The following CNNM3 variants were observed in gnomAD, a reference collection of about 807,000 sequenced individuals.
CNNM3 encodes the protein metal transporter CNNM3.
CNNM3 carries 47 observed loss-of-function variants against 57.1 expected under a neutral mutation model. That is an observed-to-expected ratio of 0.82 (90% CI 0.65 to 1.05). The LOEUF (loss-of-function observed/expected upper bound fraction) is 1.05. Among genes scored for constraint, CNNM3 ranks in the 50% least tolerant of loss-of-function variants. The pLI, the probability that CNNM3 is intolerant of heterozygous loss-of-function variation, is 0.00. For synonymous variants in CNNM3, 507 were observed against 478.2 expected (o/e 1.06, Z -0.79); for missense variants, 957 against 973.7 (o/e 0.98, Z 0.23).
chr2:96,832,276 G>A (rs1287116975), intron 7 of CNNM3: 1 of 985,272 alleles, frequency 1.0e-6, no homozygotes, highest in Non-Finnish European at 1.2e-6. Context: ...ACAGGGTGCT[G>A]TATCGTCCCG....
Position 96,817,039 on chromosome 2 carries a change from A to G in CNNM3, c.762A>G (p.Arg254=). The G allele has an allele frequency of 1.5e-6, 2 of 1,370,490 alleles. No individual in the cohort carries two copies. Among genetic ancestry groups the G allele is most frequent in the Non-Finnish European group, 1.9e-6 (2 of 1,059,704 alleles). 84.9% of individuals were successfully genotyped at this position (1,370,490 alleles called of 1,614,324 possible). ...SGRWTLALAP[R]ALGLSRLAVL... ...GCTGGACGCTGGCGCTGGCGCCGCG[A>G]GCGCTCGGCCTCAGCCGCCTGGCCG... Residue 254 remains arginine, a synonymous_variant, in exon 1 of 8, where the codon CGA becomes CGG. Coordinates refer to ENST00000305510, the MANE Select transcript of CNNM3 (RefSeq NM_017623.5).
chr2:96,829,402 G>A (rs918671872), intron 7 of CNNM3: 1 of 224,090 alleles, frequency 4.5e-6, no homozygotes, highest in African/African-American at 2.4e-5. Flanking sequence ...CTGGGTTCAA[G>A]CAGTTCTCCT....
intron 1 of CNNM3, among the ~76,000 whole-genome samples, chr2:96,823,523 G>C (rs556858109): frequency 1.3e-5 from 2 of 152,318 alleles, no homozygotes; most frequent in South Asian, 4.1e-4. Flanking sequence ...GGTTCAGCAG[G>C]GCTGAGTGGC....
intron 5 of CNNM3, 29 bp downstream of exon 5, chr2:96,828,224 G>A (rs776226827): frequency 1.3e-6 from 2 of 1,576,304 alleles, no homozygotes; most frequent in Admixed American, 3.3e-5. Context: ...GATGCTGAGG[G>A]CCAGGGTGGA....
At chr2:96,822,294 C>T (rs940493124) in intron 1 of CNNM3, among the ~76,000 whole-genome samples, 4 of 152,042 alleles carry the variant, frequency 2.6e-5, no homozygotes, top group South Asian at 2.1e-4. Flanking sequence ...TGAGCCACTG[C>T]GCCTGGCCAA....
At position 96,816,333 on chromosome 2, in the gene CNNM3, G is replaced by C. The variant is rs778110675; in HGVS notation, c.56G>C (p.Cys19Ser). ...TTAGGCTGGTTGTTCGCCGCGCTCT[G>C]CCTGGGCAACGCCGCGGGGGAGGCC... ...GRLGWLFAAL[C>S]LGNAAGEAAP... Residue 19 changes from cysteine to serine, a missense_variant, in exon 1 of 8, where the codon TGC becomes TCC. By Grantham distance (112) the Cys-to-Ser change is moderately radical. This residue lies in a region of CNNM3 where 466 missense variants were observed against 403.1 expected (regional missense o/e 1.16). Coordinates refer to ENST00000305510, the MANE Select transcript of CNNM3 (RefSeq NM_017623.5). The C allele has an allele frequency of 1.5e-5, 20 of 1,290,398 alleles. No individual in the cohort carries two copies. The highest frequency in any genetic ancestry group is 9.8e-7 in the Non-Finnish European group (1 of 1,019,398). The allele number at this position is 1,290,398 out of a possible 1,614,324, so 79.9% of individuals were successfully genotyped here. A position where few individuals can be genotyped will look rare whatever the true frequency, so the allele number is the denominator to read the frequency against.
At chr2:96,822,918 T>C (rs543305241) in intron 1 of CNNM3, among the ~76,000 whole-genome samples, 1 of 152,336 alleles carries the variant, frequency 6.6e-6, no homozygotes, top group South Asian at 2.1e-4. Context: ...CAGGGCTTTC[T>C]GCTTGACGTT....
At chr2:96,831,954 CT>C (rs1375025175) in intron 7 of CNNM3, 1 of 983,852 alleles carries the variant, frequency 1.0e-6, no homozygotes, top group African/African-American at 1.7e-5. Flanking sequence ...TTCTTTCTCT[CT>C]CTGCTCTCTT....
intron 1 of CNNM3, among the ~76,000 whole-genome samples, chr2:96,819,866 C>T (rs2079380854): frequency 6.6e-6 from 1 of 152,174 alleles, no homozygotes; most frequent in African/African-American, 2.4e-5. Flanking sequence ...TTCCAAACCG[C>T]CAGTGTCAGG....
Position 96,828,212 on chromosome 2 carries a change from C to T in CNNM3, c.1786+17C>T, listed in dbSNP as rs940335565. On this transcript the variant is annotated intron_variant, in intron 5 of 7. Coordinates refer to ENST00000305510, the MANE Select transcript of CNNM3 (RefSeq NM_017623.5). ...CATCCTCGGGTAAGCCACGGCCCTGCTGATGCTGAGGGCCAGGGTGGAGGC... is the reference window on the plus strand; with the variant it reads ...CATCCTCGGGTAAGCCACGGCCCTGTTGATGCTGAGGGCCAGGGTGGAGGC... The T allele has an allele frequency of 2.5e-6, 4 of 1,595,452 alleles. No individual in the cohort carries two copies. The African/African-American group carries it at 5.4e-5, about 21-fold the overall frequency.
At chr2:96,819,404 G>A (rs1013850808) in intron 1 of CNNM3, among the ~76,000 whole-genome samples, 16 of 152,216 alleles carry the variant, frequency 1.1e-4, no homozygotes, top group Admixed American at 8.5e-4. Context: ...TGATAAGAGT[G>A]GGTAAACAGA....
In CNNM3 at chr2:96,828,580, G is replaced by C. The variant is rs774682167; in HGVS notation, c.1800G>C (p.Pro600=). ...LTVPSSVHQS[P]VSSLQPIRHD... ...TTCCTTTGATAGTTCACCAGTCCCC[G>C]GTGTCCTCGCTCCAGCCCATCCGCC... is the stretch of plus-strand genomic sequence containing the variant. Residue 600 remains proline (P), a synonymous_variant, in exon 6 of 8, where the codon CCG becomes CCC. Coordinates refer to ENST00000305510, the MANE Select transcript of CNNM3 (RefSeq NM_017623.5). 1.2e-6 allele frequency: 2 copies of C among 1,614,010 alleles called. No homozygotes were observed. Among genetic ancestry groups the C allele is most frequent in the Admixed American group, 1.7e-5 (1 of 59,988 alleles).
intron 3 of CNNM3, among the ~76,000 whole-genome samples, chr2:96,827,353 C>T (rs1396159824): frequency 2.6e-5 from 4 of 152,108 alleles, no homozygotes; most frequent in South Asian, 2.1e-4. Flanking sequence ...CTGCAACCTC[C>T]GCCTTCTGGG....
chr2:96,825,699 G>A (rs113404496), intron 2 of CNNM3, among the ~76,000 whole-genome samples: 3 of 137,012 alleles, frequency 2.2e-5, no homozygotes, highest in African/African-American at 1.1e-4. Flanking sequence ...TCGGGAGTTC[G>A]AGACCAGCCT....
Position 96,833,178 on chromosome 2 carries a change from C to T in CNNM3, c.*562C>T, listed in dbSNP as rs2079635200. On this transcript the variant is annotated 3_prime_UTR_variant, in exon 8 of 8. Transcript: ENST00000305510. ...TTTCAGCGCATGCGCCCCAGCCTTT[C>T]CCATGTGCCAAACCAGAAGCTCCAC... 4.6e-6 allele frequency: 2 copies of T among 435,732 alleles called. No individual in the cohort carries two copies. The highest frequency in any genetic ancestry group is 8.3e-6 in the Non-Finnish European group (2 of 240,998). The allele number at this position is 435,732 out of a possible 1,614,324, so 27.0% of individuals were successfully genotyped here.
chr2:96,826,595 A>G (rs2079509167), intron 2 of CNNM3, among the ~76,000 whole-genome samples: 1 of 152,192 alleles, frequency 6.6e-6, no homozygotes, highest in Non-Finnish European at 1.5e-5. Flanking sequence ...TTGTTATCAT[A>G]TCAGCATTCT....
Position 96,825,003 on chromosome 2 carries a change from GA to G in CNNM3, c.1226-53del. The G allele has an allele frequency of 2.5e-6, 4 of 1,606,104 alleles. No homozygotes were observed. In the South Asian group the frequency reaches 4.4e-5, roughly 18 times the overall value. On this transcript the variant is annotated intron_variant, in intron 1 of 7. Transcript: ENST00000305510. ...TTGGTGGGCCTATACCAGGGGAGAT[GA>G]ATCAAACTGGGGGGGGCCCAGCAAG...
rs1559012207 is a variant in CNNM3 at position 96,827,007 on chromosome 2, C to CAT, written c.1519+25_1519+26insAT. 8 of 1,609,322 alleles carry CAT rather than the reference C, an allele frequency of 5.0e-6. No homozygotes were observed. The Admixed American group carries it at 1.3e-4, about 27-fold the overall frequency. ...GGTGAGGCGGGAGGGTGGTCCATGC[C>CAT]CCCTGCTCTCCTCACCGTTCTGTGG... On this transcript the variant is annotated intron_variant, in intron 3 of 7. Transcript: ENST00000305510.
intron 1 of CNNM3, among the ~76,000 whole-genome samples, chr2:96,822,501 G>T (rs1313018286): frequency 2.6e-5 from 4 of 151,986 alleles, no homozygotes; most frequent in African/African-American, 7.3e-5. Flanking sequence ...TAGAGATTGG[G>T]GTCTCCCTAT....
Sources: gnomAD v4.1 joint callset for allele counts (sites outside exome capture counted in the v4.1 genomes callset) on GRCh38, gnomAD v4.1.1 for gene constraint, gnomAD v4.1.1 regional missense constraint, MANE v1.5 for transcripts, NCBI Gene and HGNC (gene_info 2026-07-23, HGNC 2026-07-21) for gene names.